Variants in MDGA2 observed in about 807,000 individuals in gnomAD.
MDGA2 encodes the protein MAM domain containing glycosylphosphatidylinositol anchor 2.
A neutral mutation model predicts 117.8 loss-of-function variants in MDGA2; 40 were observed. That is an observed-to-expected ratio of 0.34 (90% confidence interval 0.26 to 0.44). The LOEUF (loss-of-function observed/expected upper bound fraction) is 0.44. Ranked by LOEUF, MDGA2 falls within the 20% of genes least tolerant of loss-of-function variation. The pLI is 1.00. For missense variants in MDGA2, 1,123 were observed against 1,250.6 expected (o/e 0.90, Z 1.54); for synonymous variants, 452 against 439.0 (o/e 1.03, Z -0.37).
At chr14:47,220,609 C>G (rs1399547472) in intron 2 of MDGA2, among the ~76,000 whole-genome samples, 1 of 93,874 alleles carries the variant, frequency 1.1e-5, no homozygotes, top group Non-Finnish European at 2.2e-5. Flanking sequence ...TGGAGTTATA[C>G]CTACCTAACC....
chr14:47,138,429 C>T (rs1219964428), intron 4 of MDGA2, among the ~76,000 whole-genome samples: 1 of 151,958 alleles, frequency 6.6e-6, no homozygotes, highest in Non-Finnish European at 1.5e-5. Flanking sequence ...ATGTCATGAA[C>T]ATCTTTACAA....
intron 1 of MDGA2, among the ~76,000 whole-genome samples, chr14:47,615,690 C>A (rs886989350): frequency 6.6e-6 from 1 of 152,172 alleles, no homozygotes; most frequent in African/African-American, 2.4e-5. Context: ...AATCCTAAAG[C>A]CTCAATCTCA....
chr14:46,842,076 T>C, intron 16 of MDGA2, 57 bp from the exon 17 acceptor site: 1 of 1,133,930 alleles, frequency 8.8e-7, no homozygotes, highest in Admixed American at 1.8e-5. Flanking sequence ...GCATTCCACG[T>C]AGCTACTAAC....
intron 3 of MDGA2, among the ~76,000 whole-genome samples, chr14:47,178,590 G>GGT (rs1437648669): frequency 6.6e-6 from 1 of 152,038 alleles, no homozygotes; most frequent in African/African-American, 2.4e-5. Context: ...ACCAGGCACT[G>GGT]ACCTAGGTAT....
intron 1 of MDGA2, among the ~76,000 whole-genome samples, chr14:47,533,898 A>G (rs997617006): frequency 6.6e-6 from 1 of 152,210 alleles, no homozygotes; most frequent in Non-Finnish European, 1.5e-5. Flanking sequence ...AAAGACAGTA[A>G]GCAAAAAGTA....
intron 1 of MDGA2, among the ~76,000 whole-genome samples, chr14:47,470,910 T>C (rs1014356025): frequency 6.6e-6 from 1 of 152,186 alleles, no homozygotes; most frequent in Non-Finnish European, 1.5e-5. Context: ...TTAAAGTTTA[T>C]AGGAAATTAT....
At chr14:47,268,607 A>T (rs1888042680) in intron 2 of MDGA2, among the ~76,000 whole-genome samples, 1 of 152,136 alleles carries the variant, frequency 6.6e-6, no homozygotes, top group Non-Finnish European at 1.5e-5. Flanking sequence ...TCCATTTCTG[A>T]AAACTTGAAG....
chr14:47,248,199 A>C (rs533789519), intron 2 of MDGA2, among the ~76,000 whole-genome samples: 1 of 151,710 alleles, frequency 6.6e-6, no homozygotes, highest in Non-Finnish European at 1.5e-5. Context: ...ATTGTTAAAT[A>C]AGTGAAAAAA....
chr14:47,297,423 G>T (rs933538789), intron 2 of MDGA2, among the ~76,000 whole-genome samples: 4 of 148,096 alleles, frequency 2.7e-5, no homozygotes, highest in Non-Finnish European at 6.0e-5. Context: ...GGGAGGAGAG[G>T]GGAGTGGAGG....
chr14:47,567,113 C>T (rs1895934354), intron 1 of MDGA2, among the ~76,000 whole-genome samples: 2 of 151,698 alleles, frequency 1.3e-5, no homozygotes, highest in South Asian at 4.2e-4. Flanking sequence ...ACTATATTGC[C>T]CAGGTTGGAA....
intron 1 of MDGA2, among the ~76,000 whole-genome samples, chr14:47,307,233 C>G (rs1236952883): frequency 6.6e-6 from 1 of 152,100 alleles, no homozygotes; most frequent in African/African-American, 2.4e-5. Flanking sequence ...TACATGAGAT[C>G]TCCCCCACCT....
At chr14:47,623,022 G>A (rs1164429619) in intron 1 of MDGA2, among the ~76,000 whole-genome samples, 1 of 152,148 alleles carries the variant, frequency 6.6e-6, no homozygotes, top group Non-Finnish European at 1.5e-5. Context: ...AATCCCCAAC[G>A]CAATAGTGTT....
intron 1 of MDGA2, among the ~76,000 whole-genome samples, chr14:47,467,017 G>A (rs532672764): frequency 2.2e-4 from 33 of 152,072 alleles, no homozygotes; most frequent in Non-Finnish European, 1.2e-4. Flanking sequence ...CTCAGAGGCA[G>A]TGAACTGAAG....
At chr14:47,485,553 T>G (rs1894042460) in intron 1 of MDGA2, among the ~76,000 whole-genome samples, 2 of 152,296 alleles carry the variant, frequency 1.3e-5, no homozygotes, top group South Asian at 2.1e-4. Flanking sequence ...AGCCAAATGT[T>G]AATCCCCAAG....
chr14:47,141,624 A>G lies in MDGA2; in HGVS notation c.792+2454T>C, dbSNP rs572784547. Among the ~76,000 whole-genome samples, 13 of 152,300 alleles carry G rather than the reference A, an allele frequency of 8.5e-5. No homozygotes were observed. The South Asian group carries it at 2.3e-3, about 27-fold the overall frequency. On this transcript the variant is annotated intron_variant, in intron 4 of 16. Transcript: ENST00000399232. ...TTAAGTAAAATAATTAAGGTACAGA[A>G]AGACAAATACTATATTATCTACTCA...
chr14:47,178,768 G>A (rs1245906525), intron 3 of MDGA2, among the ~76,000 whole-genome samples: 1 of 152,106 alleles, frequency 6.6e-6, no homozygotes, highest in Non-Finnish European at 1.5e-5. Context: ...CTATTCAAAT[G>A]TATATAGAAA....
At chr14:46,901,611 G>A (rs1388267915) in intron 10 of MDGA2, among the ~76,000 whole-genome samples, 1 of 152,144 alleles carries the variant, frequency 6.6e-6, no homozygotes, top group African/African-American at 2.4e-5. Context: ...TGAGGATAAT[G>A]CAGAAAATAA....
At chr14:47,093,265 T>C (rs187517942) in intron 6 of MDGA2, among the ~76,000 whole-genome samples, 2 of 152,214 alleles carry the variant, frequency 1.3e-5, no homozygotes, top group African/African-American at 2.4e-5. Context: ...CTGAACTAAA[T>C]GTGGGTTTGT....
At chr14:47,244,218 GAAT>G in intron 2 of MDGA2, among the ~76,000 whole-genome samples, 1 of 151,642 alleles carries the variant, frequency 6.6e-6, no homozygotes, top group Non-Finnish European at 1.5e-5. Context: ...CTTAACAAAT[GAAT>G]AATACCCAAT....
Sources: gnomAD v4.1 joint callset for allele counts (sites outside exome capture counted in the v4.1 genomes callset) on GRCh38, gnomAD v4.1.1 for gene constraint, MANE v1.5 for transcripts, NCBI Gene and HGNC (gene_info 2026-07-23, HGNC 2026-07-21) for gene names.